Variants in ZDHHC14 observed in about 807,000 individuals in gnomAD.
The protein encoded by ZDHHC14 is zDHHC palmitoyltransferase 14.
ZDHHC14 carries 16 observed loss-of-function variants against 47.7 expected under a neutral mutation model. The ratio of observed to expected loss-of-function variants is 0.34; its 90% CI spans 0.23 to 0.51. ZDHHC14 has a LOEUF of 0.51. ZDHHC14 is among the 20% of genes least tolerant of loss of function. The pLI, the probability that ZDHHC14 is intolerant of heterozygous loss-of-function variation, is 0.97. For missense variants in ZDHHC14, 515 were observed against 662.5 expected (o/e 0.78, Z 2.44); for synonymous variants, 293 against 278.9 (o/e 1.05, Z -0.50).
chr6:157,409,745 C>T (rs568577147), intron 1 of ZDHHC14, among the ~76,000 whole-genome samples: 8 of 152,074 alleles, frequency 5.3e-5, no homozygotes, highest in Non-Finnish European at 7.4e-5. Context: ...AAAGTGTTTC[C>T]GAGTGGTTTC....
At chr6:157,491,413 G>A (rs765104020) in intron 1 of ZDHHC14, among the ~76,000 whole-genome samples, 13 of 152,172 alleles carry the variant, frequency 8.5e-5, no homozygotes, top group South Asian at 2.1e-4. Flanking sequence ...ACTGCTTTGC[G>A]TATAGTGGGC....
At chr6:157,591,460 T>G (rs1352405403) in intron 2 of ZDHHC14, among the ~76,000 whole-genome samples, 1 of 152,208 alleles carries the variant, frequency 6.6e-6, no homozygotes, top group Non-Finnish European at 1.5e-5. Flanking sequence ...CCCCCTTTGC[T>G]TGGCACCTCT....
At chr6:157,555,494 T>A (rs1782421029) in intron 2 of ZDHHC14, among the ~76,000 whole-genome samples, 1 of 152,214 alleles carries the variant, frequency 6.6e-6, no homozygotes, top group South Asian at 2.1e-4. Context: ...ATCCCAGACA[T>A]GTAATGAAAA....
At chr6:157,384,113 C>T (rs1436569006) in intron 1 of ZDHHC14, among the ~76,000 whole-genome samples, 1 of 152,126 alleles carries the variant, frequency 6.6e-6, no homozygotes, top group Admixed American at 6.5e-5. Context: ...TGAACAGATC[C>T]AAATTGGCAC....
intron 1 of ZDHHC14, among the ~76,000 whole-genome samples, chr6:157,481,416 G>A (rs1023204161): frequency 1.1e-4 from 16 of 149,838 alleles, no homozygotes; most frequent in African/African-American, 3.4e-4. Context: ...GAGGTGATGC[G>A]ACTGGTTGTA....
intron 3 of ZDHHC14, among the ~76,000 whole-genome samples, chr6:157,618,157 A>T (rs926906114): frequency 6.6e-6 from 1 of 152,224 alleles, no homozygotes; most frequent in Non-Finnish European, 1.5e-5. Flanking sequence ...CGTAAGGTCA[A>T]CGCTGAGGGG....
chr6:157,412,571 G>T (rs756590350), intron 1 of ZDHHC14, among the ~76,000 whole-genome samples: 1 of 152,200 alleles, frequency 6.6e-6, no homozygotes, highest in Non-Finnish European at 1.5e-5. Context: ...GGGATTACAG[G>T]TGTGAGCCAC....
chr6:157,516,444 G>A (rs1402984314), intron 1 of ZDHHC14, among the ~76,000 whole-genome samples: 3 of 152,112 alleles, frequency 2.0e-5, no homozygotes, highest in Non-Finnish European at 4.4e-5. Flanking sequence ...TGCCTGGCCC[G>A]TGCTCTGTGT....
intron 2 of ZDHHC14, among the ~76,000 whole-genome samples, chr6:157,568,514 T>G (rs1359370325): frequency 6.6e-6 from 1 of 152,186 alleles, no homozygotes; most frequent in African/African-American, 2.4e-5. Context: ...AGTAATCCAC[T>G]GTATGATCAC....
intron 8 of ZDHHC14, among the ~76,000 whole-genome samples, chr6:157,672,419 T>A (rs1176129860): frequency 2.0e-5 from 3 of 152,172 alleles, no homozygotes; most frequent in Non-Finnish European, 4.4e-5. Context: ...GAGATTTTTT[T>A]AATTATGTCC....
intron 1 of ZDHHC14, among the ~76,000 whole-genome samples, chr6:157,472,565 G>A (rs1779381852): frequency 6.6e-6 from 1 of 152,096 alleles, no homozygotes; most frequent in African/African-American, 2.4e-5. Context: ...TGTTCAGCCA[G>A]AATCCACACT....
rs139521911 is a variant in ZDHHC14 at position 157,575,908 on chromosome 6, A to G, written c.407-17080A>G. On this transcript the variant is annotated intron_variant, in intron 2 of 8. Transcript: ENST00000359775. ...AAAAGGCAAACTGGGCTGGAACACC[A>G]TGTTTCTTTCATTCCTTGCAGGACT... 1.8e-3 allele frequency among the ~76,000 whole-genome samples: 271 copies of G among 152,290 alleles called. 2 individuals carry two copies. The highest frequency in any genetic ancestry group is 6.0e-3 in the African/African-American group (251 of 41,546).
At chr6:157,391,885 C>T (rs919591605) in intron 1 of ZDHHC14, among the ~76,000 whole-genome samples, 7 of 152,120 alleles carry the variant, frequency 4.6e-5, no homozygotes, top group African/African-American at 7.2e-5. Flanking sequence ...CTGTATTTCT[C>T]GGATTCATTT....
At chr6:157,451,423 G>A (rs1291660142) in intron 1 of ZDHHC14, among the ~76,000 whole-genome samples, 4 of 152,138 alleles carry the variant, frequency 2.6e-5, no homozygotes, top group Non-Finnish European at 4.4e-5. Context: ...GTATCCCCAG[G>A]TCCTAACACA....
intron 2 of ZDHHC14, among the ~76,000 whole-genome samples, chr6:157,585,897 G>A (rs1783679227): frequency 6.6e-6 from 1 of 152,254 alleles, no homozygotes; most frequent in Admixed American, 6.5e-5. Flanking sequence ...CACAAGAGTG[G>A]CCTGCCTGGT....
chr6:157,470,120 C>G (rs947256741), intron 1 of ZDHHC14, among the ~76,000 whole-genome samples: 1 of 152,212 alleles, frequency 6.6e-6, no homozygotes, highest in Non-Finnish European at 1.5e-5. Context: ...ATTATGTTCT[C>G]TCATAGCCAA....
At chr6:157,598,747 G>A (rs1057197117) in intron 3 of ZDHHC14, among the ~76,000 whole-genome samples, 1 of 152,214 alleles carries the variant, frequency 6.6e-6, no homozygotes, top group African/African-American at 2.4e-5. Context: ...ACTGTAAGTA[G>A]AGTATGCCAG....
chr6:157,527,423 A>G (rs1475297618), intron 1 of ZDHHC14, among the ~76,000 whole-genome samples: 1 of 152,196 alleles, frequency 6.6e-6, no homozygotes, highest in East Asian at 1.9e-4. Flanking sequence ...AATCTCTTCA[A>G]AAAAGTGCTT....
At chr6:157,475,655 T>C (rs1485241202) in intron 1 of ZDHHC14, among the ~76,000 whole-genome samples, 1 of 152,170 alleles carries the variant, frequency 6.6e-6, no homozygotes, top group Non-Finnish European at 1.5e-5. Flanking sequence ...TGATTTATTT[T>C]TCAGGTGGTT....
Sources: allele counts gnomAD v4.1 joint callset (sites outside exome capture counted in the v4.1 genomes callset), GRCh38; gene constraint gnomAD v4.1.1; transcripts MANE v1.5; gene names NCBI Gene and HGNC (gene_info 2026-07-23, HGNC 2026-07-21).